The following KHDRBS2 variants were observed in gnomAD, a reference collection of about 807,000 sequenced individuals.
The protein encoded by KHDRBS2 is KH domain-containing, RNA-binding, signal transduction-associated protein 2.
A neutral mutation model predicts 44.3 loss-of-function variants in KHDRBS2; 26 were observed. The observed-to-expected ratio is 0.59, with a 90% CI of 0.43 to 0.81. The LOEUF (loss-of-function observed/expected upper bound fraction) is 0.81. Among genes scored for constraint, KHDRBS2 ranks in the 40% least tolerant of loss-of-function variants. The probability of loss-of-function intolerance (pLI) is 0.00; values close to 1 mark genes in which losing one functional copy is unlikely to be tolerated. For missense variants in KHDRBS2, 476 were observed against 433.1 expected (o/e 1.10, Z -0.88); for synonymous variants, 194 against 151.1 (o/e 1.28, Z -2.08).
chr6:62,088,398 T>G (rs1036506532), intron 2 of KHDRBS2, among the ~76,000 whole-genome samples: 1 of 152,196 alleles, frequency 6.6e-6, no homozygotes, highest in African/African-American at 2.4e-5. Context: ...GGTCATTCTT[T>G]TCGTTGATGG....
chr6:62,116,583 C>A (rs898712865), intron 2 of KHDRBS2, among the ~76,000 whole-genome samples: 2 of 152,018 alleles, frequency 1.3e-5, no homozygotes, highest in African/African-American at 4.8e-5. Context: ...ATCCATCACA[C>A]CAAATATTTA....
At chr6:62,097,852 C>A (rs1800963214) in intron 2 of KHDRBS2, among the ~76,000 whole-genome samples, 1 of 152,006 alleles carries the variant, frequency 6.6e-6, no homozygotes, top group African/African-American at 2.4e-5. Flanking sequence ...TGATTTTCTC[C>A]AGCGATGTGT....
intron 2 of KHDRBS2, among the ~76,000 whole-genome samples, chr6:62,155,386 C>A (rs1438158164): frequency 1.3e-5 from 2 of 152,100 alleles, no homozygotes; most frequent in Non-Finnish European, 2.9e-5. Context: ...AACTAAGTTA[C>A]TGAATATATA....
At chr6:62,035,095 A>T (rs1293834481) in intron 3 of KHDRBS2, among the ~76,000 whole-genome samples, 1 of 152,018 alleles carries the variant, frequency 6.6e-6, no homozygotes, top group African/African-American at 2.4e-5. Context: ...TCTTCAAACA[A>T]GTAAAAATAG....
intron 1 of KHDRBS2, among the ~76,000 whole-genome samples, chr6:62,200,502 C>CATT (rs745776801): frequency 2.6e-5 from 4 of 152,182 alleles, no homozygotes; most frequent in Admixed American, 6.5e-5. Flanking sequence ...CATCACCGGC[C>CATT]ATCAGAGAAA....
chr6:61,679,510 G>C (rs1042689909), downstream of KHDRBS2, among the ~76,000 whole-genome samples: 1 of 151,838 alleles, frequency 6.6e-6, no homozygotes, highest in Non-Finnish European at 1.5e-5. Flanking sequence ...CCTGTTTAAC[G>C]TTTAGTCATC....
In KHDRBS2 at chr6:62,279,961, G is replaced by A. The variant is rs796752874; in HGVS notation, c.91+5897C>T. On this transcript the variant is annotated intron_variant, in intron 1 of 8. Transcript: ENST00000281156. ...CTAATATAGTGATGAAAAAGACTTG[G>A]TTCTGCTCCTCAAGAGGAGACAGAG... is the stretch of plus-strand genomic sequence containing the variant. 1.3e-4 allele frequency among the ~76,000 whole-genome samples: 20 copies of A among 152,312 alleles called. 1 individual carries two copies. Among genetic ancestry groups the A allele is most frequent in the African/African-American group, 4.8e-4 (20 of 41,570 alleles).
chr6:61,867,496 T>C (rs1158340135), intron 6 of KHDRBS2, among the ~76,000 whole-genome samples: 1 of 152,184 alleles, frequency 6.6e-6, no homozygotes, highest in Non-Finnish European at 1.5e-5. Context: ...GAACTCTTGC[T>C]AGGGAGGTGT....
chr6:62,060,947 T>G (rs1791677584), intron 2 of KHDRBS2, among the ~76,000 whole-genome samples: 1 of 151,944 alleles, frequency 6.6e-6, no homozygotes, highest in Non-Finnish European at 1.5e-5. Flanking sequence ...ATCCATGTTT[T>G]GATCTTTGTT....
chr6:62,084,548 G>C (rs1284436992), intron 2 of KHDRBS2, among the ~76,000 whole-genome samples: 2 of 152,118 alleles, frequency 1.3e-5, no homozygotes. Flanking sequence ...AGAGAATTCA[G>C]AGTTTGAGTC....
At chr6:61,938,672 A>G (rs1427743578) in intron 4 of KHDRBS2, among the ~76,000 whole-genome samples, 1 of 152,178 alleles carries the variant, frequency 6.6e-6, no homozygotes, top group African/African-American at 2.4e-5. Flanking sequence ...TAGATTGCTA[A>G]GGGGAGTGGA....
chr6:61,688,655 T>C (rs568369623), intron 8 of KHDRBS2, among the ~76,000 whole-genome samples: 1 of 152,072 alleles, frequency 6.6e-6, no homozygotes, highest in African/African-American at 2.4e-5. Flanking sequence ...GCCATAGTTA[T>C]AGCAATTAGA....
the KHDRBS2 span, among the ~76,000 whole-genome samples, chr6:61,664,515 G>A: frequency 1.2e-4 from 18 of 151,648 alleles, no homozygotes; most frequent in African/African-American, 4.4e-4. Context: ...ACCATGCATG[G>A]TATTTGCAAA....
chr6:62,234,020 T>C (rs1176399472), intron 1 of KHDRBS2, among the ~76,000 whole-genome samples: 1 of 152,096 alleles, frequency 6.6e-6, no homozygotes, highest in Admixed American at 6.6e-5. Context: ...GGTTGCTGTG[T>C]GAAATGGTAT....
intron 7 of KHDRBS2, among the ~76,000 whole-genome samples, chr6:61,706,221 C>G (rs1445516977): frequency 6.6e-6 from 1 of 151,814 alleles, no homozygotes; most frequent in Non-Finnish European, 1.5e-5. Context: ...GACCCTCATG[C>G]GATCTTATGC....
At chr6:61,678,938 T>A (rs1766093352), downstream of KHDRBS2, 1 of 151,896 alleles carries the variant, frequency 6.6e-6, no homozygotes, top group African/African-American at 2.4e-5. Context: ...TGTTCTTTGT[T>A]TGTGGGTACC....
At chr6:62,275,008 T>TACACACACACACACACAC (rs145870587) in intron 1 of KHDRBS2, among the ~76,000 whole-genome samples, 2 of 142,386 alleles carry the variant, frequency 1.4e-5, no homozygotes, top group African/African-American at 5.2e-5. Flanking sequence ...GCTCATCAAA[T>TACACACACACACACACAC]ACACACACAC....
At chr6:61,915,918 C>T (rs1330274534) in intron 4 of KHDRBS2, among the ~76,000 whole-genome samples, 2 of 152,038 alleles carry the variant, frequency 1.3e-5, no homozygotes. Flanking sequence ...GTCTTCTGTA[C>T]TGTCGTGGAT....
At chr6:61,599,585 T>C in the KHDRBS2 span, among the ~76,000 whole-genome samples, 1 of 152,174 alleles carries the variant, frequency 6.6e-6, no homozygotes, top group Non-Finnish European at 1.5e-5. Flanking sequence ...ATTCCATGAA[T>C]TTATGGAGGG....
Sources: gnomAD v4.1 joint callset for allele counts (sites outside exome capture counted in the v4.1 genomes callset) on GRCh38, gnomAD v4.1.1 for gene constraint, MANE v1.5 for transcripts, NCBI Gene and HGNC (gene_info 2026-07-23, HGNC 2026-07-21) for gene names.